Variants in EFCAB3 observed in about 807,000 individuals in gnomAD.
EFCAB3 encodes the protein EF-hand calcium-binding domain-containing protein 3.
EFCAB3 carries 36 observed loss-of-function variants against 42.2 expected under a neutral mutation model. The observed-to-expected ratio is 0.85, with a 90% confidence interval of 0.65 to 1.13. The LOEUF (loss-of-function observed/expected upper bound fraction) is 1.13, where lower values mean the gene tolerates loss of function less well. Among genes scored for constraint, EFCAB3 ranks in the 50% most tolerant of loss-of-function variants. The pLI, the probability that EFCAB3 is intolerant of heterozygous loss-of-function variation, is 0.00. For synonymous variants in EFCAB3, 170 were observed against 172.8 expected, an observed-to-expected ratio of 0.98 and a Z score of 0.13; for missense variants, 418 against 505.1, an observed-to-expected ratio of 0.83 and a Z score of 1.65.
intron 6 of EFCAB3, among the ~76,000 whole-genome samples, chr17:62,403,541 A>G (rs2070422259): frequency 6.6e-6 from 1 of 152,224 alleles, no homozygotes; most frequent in Admixed American, 6.5e-5. Context: ...TAAAAAGCCT[A>G]CAGTGACCTC....
At chr17:62,404,685 A>C (rs1344956062) in intron 6 of EFCAB3, among the ~76,000 whole-genome samples, 2 of 152,158 alleles carry the variant, frequency 1.3e-5, no homozygotes, top group South Asian at 4.1e-4. Context: ...AATCCCAGCT[A>C]TTCGGGAAGC....
At chr17:62,385,716 C>CTTTTTTTTT (rs35067521) in intron 2 of EFCAB3, among the ~76,000 whole-genome samples, 1 of 77,558 alleles carries the variant, frequency 1.3e-5, no homozygotes, top group African/African-American at 4.5e-5. Flanking sequence ...TCTAGTTTTA[C>CTTTTTTTTT]TTTTTTTTTT....
chr17:62,381,253 G>T lies in EFCAB3; in HGVS notation c.-18+640G>T, dbSNP rs369947179. Among the ~76,000 whole-genome samples, 43 of 150,364 alleles carry T rather than the reference G, an allele frequency of 2.9e-4. No individual in the cohort carries two copies. The Middle Eastern group carries it at 0.017, about 60-fold the overall frequency. On this transcript the variant is annotated intron_variant, in intron 1 of 9. Transcript: ENST00000305286. ...TATGAGTGAGAACACGCGGTGTTCG[G>T]TTTTTTGTCCTTGCGATAGTTTGCT...
chr17:62,391,046 G>A (rs541140096), intron 3 of EFCAB3, among the ~76,000 whole-genome samples: 1 of 152,270 alleles, frequency 6.6e-6, no homozygotes, highest in South Asian at 2.1e-4. Context: ...TATTGCTGCT[G>A]TAACAAATTG....
intron 5 of EFCAB3, among the ~76,000 whole-genome samples, chr17:62,394,041 G>A (rs1334519350): frequency 1.3e-5 from 2 of 151,246 alleles, no homozygotes; most frequent in African/African-American, 2.4e-5. Context: ...TGCAAGCTCC[G>A]CCCCCCAGGT....
At chr17:62,397,508 G>A (rs778974169) in intron 6 of EFCAB3, 9 of 568,710 alleles carry the variant, frequency 1.6e-5, no homozygotes, top group Non-Finnish European at 2.8e-5. Context: ...AGCCCTGAAG[G>A]CCAACCCTTT....
chr17:62,409,205 C>T (rs879856109), intron 8 of EFCAB3, among the ~76,000 whole-genome samples: 6 of 151,976 alleles, frequency 3.9e-5, no homozygotes, highest in Non-Finnish European at 7.4e-5. Flanking sequence ...CACAGGCATG[C>T]GCCACCACAC....
chr17:62,387,227 T>C (rs2070259704), intron 2 of EFCAB3, 113 bp from the exon 3 acceptor site: 1 of 704,184 alleles, frequency 1.4e-6, no homozygotes, highest in Non-Finnish European at 2.3e-6. Context: ...GATAGTAGAC[T>C]GGATACATTG....
chr17:62,392,037 T>A, intron 4 of EFCAB3, 72 bp downstream of exon 4: 1 of 1,415,240 alleles, frequency 7.1e-7, no homozygotes, highest in Non-Finnish European at 9.4e-7. Flanking sequence ...TTTTAATGAC[T>A]GTATAAACAT....
intron 9 of EFCAB3, among the ~76,000 whole-genome samples, chr17:62,414,608 TG>T: frequency 6.6e-6 from 1 of 152,226 alleles, no homozygotes; most frequent in African/African-American, 2.4e-5. Context: ...TGTGTGTGTG[TG>T]TGTTTAAATA....
At chr17:62,406,761 T>G (rs536836675) in intron 7 of EFCAB3, 88 bp downstream of exon 7, 2 of 1,419,874 alleles carry the variant, frequency 1.4e-6, no homozygotes, top group Non-Finnish European at 1.9e-6. Flanking sequence ...CCAAATGGCA[T>G]AAGAACAGGA....
upstream of EFCAB3, chr17:62,377,895 A>G: frequency 8.3e-7 from 1 of 1,207,278 alleles, no homozygotes; most frequent in Non-Finnish European, 1.2e-6. Context: ...AATAAGATAA[A>G]TTATGCCCTC....
upstream of EFCAB3, among the ~76,000 whole-genome samples, chr17:62,378,690 G>T (rs563364714): frequency 6.3e-4 from 90 of 143,678 alleles, no homozygotes; most frequent in Admixed American, 1.4e-3. Context: ...AACAAAGAAA[G>T]AACTTGTCTC....
chr17:62,377,994 T>A (rs1364937285), upstream of EFCAB3: 2 of 1,549,768 alleles, frequency 1.3e-6, no homozygotes, highest in African/African-American at 2.7e-5. Context: ...TCTGCATAAG[T>A]TGAAAACTGC....
chr17:62,397,127 A>G (rs1052948496), intron 6 of EFCAB3, among the ~76,000 whole-genome samples: 5 of 152,182 alleles, frequency 3.3e-5, no homozygotes, highest in East Asian at 1.9e-4. Flanking sequence ...TGCTTAGGAA[A>G]TGTTAGCTGA....
intron 2 of EFCAB3, among the ~76,000 whole-genome samples, chr17:62,386,256 A>G (rs1481431833): frequency 6.6e-6 from 1 of 152,172 alleles, no homozygotes; most frequent in Non-Finnish European, 1.5e-5. Flanking sequence ...GTGTTCTTAA[A>G]CTAATAAATT....
chr17:62,382,790 A>G (rs1164787765), intron 1 of EFCAB3, among the ~76,000 whole-genome samples, 173 bp from the exon 2 acceptor site: 2 of 152,220 alleles, frequency 1.3e-5, no homozygotes, highest in African/African-American at 4.8e-5. Context: ...ACGAAGGGGA[A>G]TTTCCACATG....
chr17:62,391,150 G>C (rs577145543), intron 3 of EFCAB3, among the ~76,000 whole-genome samples: 2 of 152,224 alleles, frequency 1.3e-5, no homozygotes, highest in Admixed American at 6.5e-5. Context: ...TCTCTTCTCT[G>C]TGTCTTATAG....
At chr17:62,374,334 GC>G (rs1175494947) in intron 2 of EFCAB3, among the ~76,000 whole-genome samples, 1 of 152,094 alleles carries the variant, frequency 6.6e-6, no homozygotes, top group East Asian at 1.9e-4. Context: ...CATGGTGCGT[GC>G]CTGTAGTCCC....
Sources: gnomAD v4.1 joint callset for allele counts (sites outside exome capture counted in the v4.1 genomes callset) on GRCh38, gnomAD v4.1.1 for gene constraint, MANE v1.5 for transcripts, NCBI Gene and HGNC (gene_info 2026-07-23, HGNC 2026-07-21) for gene names.